RFWD3: variants seen among roughly 807,000 people sequenced by gnomAD.
The protein encoded by RFWD3 is E3 ubiquitin-protein ligase RFWD3.
In RFWD3, 65 loss-of-function variants were observed where a neutral mutation model predicts 87.7. That is an observed-to-expected ratio of 0.74 (90% CI 0.61 to 0.91). The LOEUF (loss-of-function observed/expected upper bound fraction) is 0.91. Ranked by LOEUF, RFWD3 falls within the 40% of genes least tolerant of loss-of-function variation. The pLI is 0.00. For missense variants in RFWD3, 1,078 were observed against 938.5 expected (o/e 1.15, Z -1.94); for synonymous variants, 433 against 352.8 (o/e 1.23, Z -2.55).
intron 2 of RFWD3, among the ~76,000 whole-genome samples, chr16:74,654,031 T>G (rs539902709): frequency 4.5e-4 from 68 of 152,336 alleles, no homozygotes; most frequent in African/African-American, 1.5e-3. Context: ...CAGTGTTGTT[T>G]TTTTTTAGCA....
intron 8 of RFWD3, among the ~76,000 whole-genome samples, chr16:74,634,590 T>C (rs920799736): frequency 3.3e-5 from 5 of 152,112 alleles, no homozygotes; most frequent in Non-Finnish European, 5.9e-5. Flanking sequence ...AGTCTCACTA[T>C]GTTGCCCAGA....
At chr16:74,640,338 GTT>G (rs1959526758) in intron 6 of RFWD3, among the ~76,000 whole-genome samples, 1 of 151,684 alleles carries the variant, frequency 6.6e-6, no homozygotes, top group South Asian at 2.1e-4. Flanking sequence ...TAGAGACACG[GTT>G]TCATCATGTT....
At position 74,660,986 on chromosome 16, in the gene RFWD3, A is replaced by C; in HGVS notation, c.464T>G (p.Val155Gly). Residue 155 changes from valine to glycine, a missense_variant, in exon 2 of 13, where the codon GTA becomes GGA. Transcript: ENST00000361070. ...GGCTCTTGCCCTCCGTGAAGCAGAT[A>C]CCCTCCTTCTTGTTCTCATTGGCCC... ...SVGPMRTRRRVSASRRARAGG... is the reference protein window; with the variant it reads ...SVGPMRTRRRGSASRRARAGG... 2 of 1,614,002 alleles carry C rather than the reference A, an allele frequency of 1.2e-6. No homozygotes were observed. The highest frequency in any genetic ancestry group is 1.7e-6 in the Non-Finnish European group (2 of 1,179,996).
At chr16:74,633,279 G>GAA (rs59964330) in intron 8 of RFWD3, among the ~76,000 whole-genome samples, 160 of 110,898 alleles carry the variant, frequency 1.4e-3, no homozygotes, top group East Asian at 5.2e-3. Flanking sequence ...CTCCGTCTCA[G>GAA]AAAAAAAAAA....
intron 6 of RFWD3, among the ~76,000 whole-genome samples, chr16:74,640,390 C>T (rs868412403): frequency 2.6e-4 from 39 of 152,108 alleles, no homozygotes; most frequent in African/African-American, 4.6e-4. Flanking sequence ...GTGATCCGCC[C>T]ACCTCAGCCT....
At chr16:74,626,909 C>T (rs940130654) in intron 11 of RFWD3, among the ~76,000 whole-genome samples, 4 of 152,130 alleles carry the variant, frequency 2.6e-5, no homozygotes, top group African/African-American at 9.7e-5. Flanking sequence ...AAAGGTTTTT[C>T]CCTTCCCCCA....
intron 12 of RFWD3, 90 bp from the exon 13 acceptor site, chr16:74,624,161 G>A (rs1958850555): frequency 6.9e-7 from 1 of 1,453,706 alleles, no homozygotes; most frequent in Non-Finnish European, 9.2e-7. Context: ...CTGAAAGGCT[G>A]CAGAGAGAAC....
chr16:74,649,839 T>C (rs4888265), intron 3 of RFWD3, among the ~76,000 whole-genome samples: 89,700 of 152,078 alleles, frequency 0.59, 27,717 homozygotes, highest in African/African-American at 0.77. Context: ...CTGTTTGTCA[T>C]TGATTTGTCA....
intron 9 of RFWD3, among the ~76,000 whole-genome samples, chr16:74,631,943 C>G (rs990730230): frequency 1.3e-5 from 2 of 152,124 alleles, no homozygotes; most frequent in African/African-American, 4.8e-5. Context: ...GAGTTTTATT[C>G]TCATCTCCTT....
intron 2 of RFWD3, 99 bp downstream of exon 2, chr16:74,660,833 C>G: frequency 7.2e-7 from 1 of 1,397,190 alleles, no homozygotes; most frequent in East Asian, 2.3e-5. Flanking sequence ...AGTTACCTGA[C>G]TTGCCAAAAG....
intron 11 of RFWD3, among the ~76,000 whole-genome samples, chr16:74,627,095 C>T (rs4544266): frequency 1.3e-5 from 2 of 152,046 alleles, no homozygotes; most frequent in Admixed American, 6.6e-5. Flanking sequence ...TGGAGACAGC[C>T]GAGCTGTGGG....
rs539007994 is a variant in RFWD3 at position 74,633,125 on chromosome 16, A to G, written c.1427-452T>C. On this transcript the variant is annotated intron_variant, in intron 8 of 12. Coordinates refer to ENST00000361070, the MANE Select transcript of RFWD3 (RefSeq NM_018124.4). ...AACCCTGTCTCTACTAAAACACAAA[A>G]AATTAGCCAGGCGTGGTGGCAAGTT... Among the ~76,000 whole-genome samples the G allele has an allele frequency of 1.5e-3, 225 of 152,036 alleles. 1 individual carries two copies. Among genetic ancestry groups the G allele is most frequent in the Non-Finnish European group, 2.7e-3 (184 of 67,990 alleles).
intron 2 of RFWD3, chr16:74,660,714 A>G (rs1026091831): frequency 5.5e-6 from 3 of 543,476 alleles, no homozygotes; most frequent in African/African-American, 3.8e-5. Context: ...GAGATTGCCA[A>G]CAAACTACCA....
intron 2 of RFWD3, among the ~76,000 whole-genome samples, chr16:74,656,025 T>C (rs543913350): frequency 1.3e-5 from 2 of 152,280 alleles, no homozygotes; most frequent in African/African-American, 2.4e-5. Context: ...TGTCTGTTAA[T>C]ATAACATATT....
chr16:74,648,915 T>C (rs535000855), intron 4 of RFWD3, among the ~76,000 whole-genome samples: 1 of 152,052 alleles, frequency 6.6e-6, no homozygotes, highest in Admixed American at 6.6e-5. Flanking sequence ...TGAGACTCTG[T>C]CTACAAAAAA....
At chr16:74,663,433 G>A (rs1187928950) in intron 1 of RFWD3, among the ~76,000 whole-genome samples, 1 of 152,172 alleles carries the variant, frequency 6.6e-6, no homozygotes, top group Non-Finnish European at 1.5e-5. Flanking sequence ...CTGGGGGGAA[G>A]AACGGCCGCT....
At position 74,626,525 on chromosome 16, in the gene RFWD3, G is replaced by T. The variant is rs764903046; in HGVS notation, c.1999C>A (p.Leu667Met). 3.1e-6 allele frequency: 5 copies of T among 1,614,034 alleles called. No individual in the cohort carries two copies. The highest frequency in any genetic ancestry group is 4.2e-6 in the Non-Finnish European group (5 of 1,179,900). Reference sequence around the variant, plus strand: ...TCCAGTCGGTAGGACATTTCCATCAGCACACTTCGTATGGTGGTGTGATTT... The same window carrying T: ...TCCAGTCGGTAGGACATTTCCATCATCACACTTCGTATGGTGGTGTGATTT... Reference protein sequence around the residue: ...DKNHTTIRSVLMEMSYRLDDT... With the variant: ...DKNHTTIRSVMMEMSYRLDDT... The change falls in exon 12 of 13, where the codon CTG becomes ATG. Residue 667 changes from leucine (L) to methionine (M), a missense_variant. Coordinates refer to ENST00000361070, the MANE Select transcript of RFWD3 (RefSeq NM_018124.4).
At chr16:74,641,184 CAGAGTT>C (rs1567574860) in intron 6 of RFWD3, among the ~76,000 whole-genome samples, 14 of 149,958 alleles carry the variant, frequency 9.3e-5, no homozygotes, top group Admixed American at 4.0e-4. Context: ...TTTTTGAAGA[CAGAGTT>C]TCGCCATTGT....
intron 4 of RFWD3, 88 bp from the exon 5 acceptor site, chr16:74,644,823 C>CA (rs71682116): frequency 4.3e-5 from 52 of 1,209,810 alleles, no homozygotes; most frequent in South Asian, 6.1e-5. Flanking sequence ...AACAGAAGTG[C>CA]AAAAAAAATG....
Sources: gnomAD v4.1 joint callset for allele counts (sites outside exome capture counted in the v4.1 genomes callset) on GRCh38, gnomAD v4.1.1 for gene constraint, MANE v1.5 for transcripts, NCBI Gene and HGNC (gene_info 2026-07-23, HGNC 2026-07-21) for gene names.